The following LSP1 variants were observed in gnomAD, a reference collection of about 807,000 sequenced individuals.
LSP1 encodes lymphocyte specific protein 1.
Under a neutral mutation model 49.3 loss-of-function variants are expected in LSP1, and 32 were observed. The observed-to-expected ratio is 0.65, with a 90% confidence interval of 0.49 to 0.87. LSP1 has a LOEUF of 0.87. Ranked by LOEUF, LSP1 falls within the 40% of genes least tolerant of loss-of-function variation. The pLI is 0.00. For synonymous variants in LSP1, 179 were observed against 178.8 expected, an observed-to-expected ratio of 1.00 and a Z score of -0.01; for missense variants, 428 against 442.6, an observed-to-expected ratio of 0.97 and a Z score of 0.30.
intron 1 of LSP1, among the ~76,000 whole-genome samples, chr11:1,857,437 T>G (rs544796591): frequency 6.6e-6 from 1 of 152,262 alleles, no homozygotes; most frequent in East Asian, 1.9e-4. Flanking sequence ...GCCAGAGGGA[T>G]GGGTGAGCCC....
chr11:1,890,641 G>A (rs1848962160), intron 10 of LSP1: 1 of 670,610 alleles, frequency 1.5e-6, no homozygotes. Flanking sequence ...CCCTCCTGAG[G>A]TGGGAGGCCT....
chr11:1,874,770 T>C (rs1210727029), intron 1 of LSP1, among the ~76,000 whole-genome samples: 1 of 152,028 alleles, frequency 6.6e-6, no homozygotes, highest in Non-Finnish European at 1.5e-5. Context: ...CTCCTTGGCT[T>C]TGGGGGCTCT....
Position 1,883,567 on chromosome 11 carries a change from G to C in LSP1, c.498+7G>C, listed in dbSNP as rs775214507. Reference sequence around the variant, plus strand: ...TGAGGAGGAACAGGAGGAGGTGATGGCTCCACCTCAGAGGGTCTGGGTGTA... The same window carrying C: ...TGAGGAGGAACAGGAGGAGGTGATGCCTCCACCTCAGAGGGTCTGGGTGTA... On this transcript the variant is annotated splice_region_variant and intron_variant, in intron 4 of 10. Coordinates refer to ENST00000311604, the MANE Select transcript of LSP1 (RefSeq NM_002339.3). 6.2e-7 allele frequency: 1 copy of C among 1,605,678 alleles called. No individual in the cohort carries two copies. The highest frequency in any genetic ancestry group is 1.7e-5 in the Admixed American group (1 of 58,452).
chr11:1,869,026 C>A, intron 1 of LSP1: 1 of 986,270 alleles, frequency 1.0e-6, no homozygotes, highest in Non-Finnish European at 1.2e-6. Context: ...CTCTGGAGGG[C>A]AGACAGGAGC....
intron 1 of LSP1, chr11:1,870,738 G>C: frequency 3.0e-6 from 3 of 1,003,410 alleles, no homozygotes; most frequent in Non-Finnish European, 3.6e-6. Context: ...GCATCTGTGG[G>C]CAGAGACTTC....
intron 1 of LSP1, among the ~76,000 whole-genome samples, chr11:1,856,864 G>A (rs372990297): frequency 2.6e-5 from 4 of 152,216 alleles, no homozygotes; most frequent in African/African-American, 9.6e-5. Context: ...AGCCCCCAGC[G>A]GTGCCCACGA....
chr11:1,864,670 C>T (rs571256959), intron 1 of LSP1, among the ~76,000 whole-genome samples: 1 of 151,894 alleles, frequency 6.6e-6, no homozygotes, highest in Admixed American at 6.6e-5. Flanking sequence ...AAAAGAGAAG[C>T]AGCTGCTGAG....
intron 1 of LSP1, among the ~76,000 whole-genome samples, chr11:1,855,218 G>A (rs1401029658): frequency 1.3e-5 from 2 of 152,196 alleles, no homozygotes; most frequent in East Asian, 1.9e-4. Context: ...TAAGGGAACC[G>A]GGGAGTTTCC....
intron 1 of LSP1, among the ~76,000 whole-genome samples, chr11:1,861,745 G>A (rs1020215930): frequency 1.3e-5 from 2 of 148,678 alleles, no homozygotes; most frequent in African/African-American, 2.5e-5. Flanking sequence ...ATGGATTGGT[G>A]GATGAGTGGA....
chr11:1,865,445 GCC>G (rs1376334965), intron 1 of LSP1, among the ~76,000 whole-genome samples: 2 of 143,060 alleles, frequency 1.4e-5, no homozygotes, highest in Non-Finnish European at 3.1e-5. Context: ...GCTGCTTGAG[GCC>G]TCTCTTCCTC....
chr11:1,856,051 T>C (rs1480270227), intron 1 of LSP1, among the ~76,000 whole-genome samples: 1 of 152,184 alleles, frequency 6.6e-6, no homozygotes, highest in Non-Finnish European at 1.5e-5. Context: ...TGCCTGTCCT[T>C]GGCCCAGCTG....
chr11:1,890,320 G>T (rs1565091848), intron 10 of LSP1: 5 of 711,900 alleles, frequency 7.0e-6, no homozygotes, highest in African/African-American at 1.7e-5. Context: ...GCTTCGGCGG[G>T]GTGCGGGCCC....
intron 3 of LSP1, among the ~76,000 whole-genome samples, chr11:1,882,949 C>T (rs937551265): frequency 6.6e-6 from 1 of 152,222 alleles, no homozygotes; most frequent in African/African-American, 2.4e-5. Context: ...TGACCTGGCC[C>T]CTACCCCTGC....
At chr11:1,853,732 G>A (rs544692544) in intron 1 of LSP1, among the ~76,000 whole-genome samples, 3 of 152,308 alleles carry the variant, frequency 2.0e-5, no homozygotes, top group South Asian at 2.1e-4. Context: ...CCCTTGACCT[G>A]CGGTAAAGGA....
chr11:1,863,023 G>C (rs1409213755), intron 1 of LSP1, among the ~76,000 whole-genome samples: 7 of 152,152 alleles, frequency 4.6e-5, no homozygotes, highest in African/African-American at 1.7e-4. Context: ...CCGGGGGAGG[G>C]GAGATGCTGT....
intron 1 of LSP1, among the ~76,000 whole-genome samples, chr11:1,854,219 C>T (rs530398222): frequency 1.4e-4 from 22 of 152,106 alleles, no homozygotes; most frequent in Admixed American, 1.2e-3. Context: ...GCCTGGTGTG[C>T]GGAAGGGAAG....
At chr11:1,868,534 ATGGGCTGGCAGCCTGC>A (rs1382066414) in intron 1 of LSP1, 8 of 517,322 alleles carry the variant, frequency 1.5e-5, no homozygotes, top group Admixed American at 6.4e-5. Context: ...TGGGGCAGGA[ATGGGCTGGCAGCCTGC>A]TGGGCTGGCC....
intron 10 of LSP1, chr11:1,890,487 T>C: frequency 1.4e-6 from 1 of 717,224 alleles, no homozygotes; most frequent in Non-Finnish European, 2.6e-6. Context: ...CAAGTTGTCC[T>C]TCCCTGGCTT....
At chr11:1,856,171 G>T (rs1847484824) in intron 1 of LSP1, among the ~76,000 whole-genome samples, 1 of 152,200 alleles carries the variant, frequency 6.6e-6, no homozygotes, top group African/African-American at 2.4e-5. Context: ...CTCTCAGTCT[G>T]CCCCTGTGTA....
Sources: gnomAD v4.1 joint callset for allele counts (sites outside exome capture counted in the v4.1 genomes callset) on GRCh38, gnomAD v4.1.1 for gene constraint, MANE v1.5 for transcripts, NCBI Gene and HGNC (gene_info 2026-07-23, HGNC 2026-07-21) for gene names.